Variants in DNM3 observed in about 807,000 individuals in gnomAD.
The protein encoded by DNM3 is dynamin-3.
Under a neutral mutation model 101.6 loss-of-function variants are expected in DNM3, and 47 were observed. That is an observed-to-expected ratio of 0.46 (90% CI 0.37 to 0.59). DNM3 has a LOEUF of 0.59. Ranked by LOEUF, DNM3 falls within the 20% of genes least tolerant of loss-of-function variation. The probability of loss-of-function intolerance (pLI) is 0.00; values close to 1 mark genes in which losing one functional copy is unlikely to be tolerated. For synonymous variants in DNM3, 385 were observed against 387.9 expected (o/e 0.99, Z 0.09); for missense variants, 849 against 1,085.7 (o/e 0.78, Z 3.06).
chr1:172,236,923 C>CCTTCCT (rs974158990), intron 14 of DNM3, among the ~76,000 whole-genome samples: 5 of 152,048 alleles, frequency 3.3e-5, no homozygotes, highest in East Asian at 1.9e-4. Context: ...TACAGTTCTC[C>CCTTCCT]CTTCCTCTTC....
intron 14 of DNM3, among the ~76,000 whole-genome samples, chr1:172,172,527 A>T (rs529837634): frequency 6.6e-6 from 1 of 151,766 alleles, no homozygotes; most frequent in East Asian, 1.9e-4. Context: ...TTATTTTTGA[A>T]ATTTTTCATT....
At chr1:171,882,680 T>C (rs12048200) in intron 1 of DNM3, among the ~76,000 whole-genome samples, 20,197 of 152,100 alleles carry the variant, frequency 0.13, 1,798 homozygotes, top group East Asian at 0.48. Context: ...TCATGTCTTT[T>C]AAATTTTTAA....
intron 14 of DNM3, among the ~76,000 whole-genome samples, chr1:172,203,525 C>G (rs920152660): frequency 1.3e-5 from 2 of 152,124 alleles, no homozygotes; most frequent in African/African-American, 4.8e-5. Context: ...TGATATGAAT[C>G]TATTTTTGAG....
chr1:172,127,772 GGAAA>G (rs1307996799), intron 13 of DNM3, among the ~76,000 whole-genome samples: 1 of 151,906 alleles, frequency 6.6e-6, no homozygotes. Context: ...AAGAAAGAAA[GGAAA>G]GAGAGAAAGA....
chr1:171,901,113 A>AT (rs2038297409), intron 1 of DNM3, among the ~76,000 whole-genome samples: 1 of 76,230 alleles, frequency 1.3e-5, no homozygotes, highest in Non-Finnish European at 2.8e-5. Flanking sequence ...ACTCTGTCTC[A>AT]AAAAAAAAAA....
chr1:171,908,557 G>C (rs536481908), intron 1 of DNM3, among the ~76,000 whole-genome samples: 1 of 151,818 alleles, frequency 6.6e-6, no homozygotes, highest in South Asian at 2.1e-4. Context: ...TTGATGGATT[G>C]GTGCTTATTT....
At chr1:172,216,508 A>G (rs2060705187) in intron 14 of DNM3, among the ~76,000 whole-genome samples, 1 of 152,136 alleles carries the variant, frequency 6.6e-6, no homozygotes, top group Admixed American at 6.6e-5. Flanking sequence ...AAAGACTTCA[A>G]TTTATCAGTT....
chr1:172,052,615 G>A (rs187555259), intron 10 of DNM3, among the ~76,000 whole-genome samples: 272 of 152,182 alleles, frequency 1.8e-3, no homozygotes, highest in Non-Finnish European at 3.2e-3. Flanking sequence ...CCTAAAGGAC[G>A]CTCTTATTCC....
At chr1:171,861,048 C>T (rs1205688880) in intron 1 of DNM3, among the ~76,000 whole-genome samples, 1 of 151,524 alleles carries the variant, frequency 6.6e-6, no homozygotes, top group Non-Finnish European at 1.5e-5. Flanking sequence ...ATATTTAAAA[C>T]CTTAAGACTG....
At chr1:172,073,264 C>T (rs1371776435) in intron 11 of DNM3, among the ~76,000 whole-genome samples, 11 of 144,274 alleles carry the variant, frequency 7.6e-5, no homozygotes, top group East Asian at 2.1e-4. Context: ...CATACATATA[C>T]GTATATATGC....
At chr1:172,231,291 T>C (rs986495460) in intron 14 of DNM3, among the ~76,000 whole-genome samples, 1 of 152,022 alleles carries the variant, frequency 6.6e-6, no homozygotes, top group Non-Finnish European at 1.5e-5. Context: ...GGCAGCAACA[T>C]TTGCTGTTCT....
chr1:172,391,964 T>C (rs1249326964), intron 20 of DNM3, among the ~76,000 whole-genome samples: 2 of 152,254 alleles, frequency 1.3e-5, no homozygotes, highest in African/African-American at 4.8e-5. Flanking sequence ...TTTAAGAGCA[T>C]ATATACTTTT....
intron 17 of DNM3, chr1:172,366,600 C>T (rs909289834): frequency 6.6e-6 from 1 of 151,706 alleles, no homozygotes; most frequent in Admixed American, 6.6e-5. Flanking sequence ...TTAACACAGC[C>T]CCTGCACAAG....
At position 172,192,143 on chromosome 1, in the gene DNM3, G is replaced by C. The variant is rs1051868245; in HGVS notation, c.1659+60855G>C. On this transcript the variant is annotated intron_variant, in intron 14 of 20. Transcript: ENST00000627582. ...ATTGGCTGTGGGTTTGTCATAAATA[G>C]CTCTTATTATTTTGAGATACACTCC... 3.3e-5 allele frequency among the ~76,000 whole-genome samples: 5 copies of C among 152,136 alleles called. No homozygotes were observed. In the East Asian group the frequency reaches 5.8e-4, roughly 18 times the overall value.
rs202210991 is a variant in DNM3 at position 172,072,499 on chromosome 1, G to A, written c.1422+3594G>A. 2.0e-5 allele frequency among the ~76,000 whole-genome samples: 3 copies of A among 152,150 alleles called. No individual in the cohort carries two copies. The East Asian group carries it at 5.8e-4, about 29-fold the overall frequency. ...ATTAGCCACAAAAACAAAGCCTCCA[G>A]CCTATAGCACTGGGTACTGAGTACA... On this transcript the variant is annotated intron_variant, in intron 11 of 20. Transcript: ENST00000627582.
intron 1 of DNM3, among the ~76,000 whole-genome samples, chr1:171,918,113 C>G (rs1188311429): frequency 1.3e-5 from 2 of 152,126 alleles, no homozygotes; most frequent in Admixed American, 6.5e-5. Flanking sequence ...ATTCCATTAG[C>G]AAAATGTTAA....
At chr1:172,364,287 T>C (rs887328001) in intron 17 of DNM3, among the ~76,000 whole-genome samples, 1 of 151,934 alleles carries the variant, frequency 6.6e-6, no homozygotes, top group African/African-American at 2.4e-5. Flanking sequence ...AACTTATGTT[T>C]ACACTGTGTA....
At chr1:172,112,337 G>A (rs1199815604) in intron 13 of DNM3, among the ~76,000 whole-genome samples, 1 of 152,198 alleles carries the variant, frequency 6.6e-6, no homozygotes, top group East Asian at 1.9e-4. Flanking sequence ...GTAGTATGTG[G>A]TAGAGCTAGG....
rs1263103241 is a variant in DNM3, at chr1:172,053,254, T to G, written c.1335+4504T>G. On this transcript the variant is annotated intron_variant, in intron 10 of 20. Coordinates refer to ENST00000627582, the MANE Select transcript of DNM3 (RefSeq NM_015569.5). The stretch of plus-strand genomic sequence containing the variant: ...ACTATCCTCAAAGATTTTTCCTTCT[T>G]TTGACATTTGCATAAGTGATTCCTT... Among the ~76,000 whole-genome samples the G allele has an allele frequency of 3.9e-5, 6 of 152,266 alleles. No individual in the cohort carries two copies. In the South Asian group the frequency reaches 1.0e-3, roughly 26 times the overall value.
Sources: allele counts gnomAD v4.1 joint callset (sites outside exome capture counted in the v4.1 genomes callset), GRCh38; gene constraint gnomAD v4.1.1; transcripts MANE v1.5; gene names NCBI Gene and HGNC (gene_info 2026-07-23, HGNC 2026-07-21).